Variants in RPAP2 observed in about 807,000 individuals in gnomAD.
RPAP2 encodes the protein putative RNA polymerase II subunit B1 CTD phosphatase RPAP2.
RPAP2 carries 52 observed loss-of-function variants against 73.1 expected under a neutral mutation model. That is an observed-to-expected ratio of 0.71 (90% CI 0.57 to 0.90). RPAP2 has a LOEUF of 0.90. Ranked by LOEUF, RPAP2 falls within the 40% of genes least tolerant of loss-of-function variation. RPAP2 has a pLI of 0.00. For synonymous variants in RPAP2, 225 were observed against 242.1 expected (o/e 0.93, Z 0.65); for missense variants, 598 against 701.8 (o/e 0.85, Z 1.67).
At position 92,300,740 on chromosome 1, in the gene RPAP2, T is replaced by G. The variant is rs35258040; in HGVS notation, c.119+501T>G. Among the ~76,000 whole-genome samples, 62 of 152,352 alleles carry G rather than the reference T, an allele frequency of 4.1e-4. 1 individual carries two copies. Among genetic ancestry groups the G allele is most frequent in the African/African-American group, 1.5e-3 (62 of 41,596 alleles). On this transcript the variant is annotated intron_variant, in intron 2 of 12. Transcript: ENST00000610020. ...ATATGTAGCTATGATTTTTATTTTG[T>G]GAAGACTCACTAATCTTATATTGGC...
intron 11 of RPAP2, among the ~76,000 whole-genome samples, chr1:92,368,431 A>AT (rs1330427704): frequency 6.6e-6 from 1 of 152,202 alleles, no homozygotes; most frequent in Non-Finnish European, 1.5e-5. Context: ...ACTCCACGAG[A>AT]TAAAAAACAT....
At chr1:92,351,322 A>AT (rs1452070041) in intron 11 of RPAP2, among the ~76,000 whole-genome samples, 2 of 149,584 alleles carry the variant, frequency 1.3e-5, no homozygotes, top group Non-Finnish European at 3.0e-5. Context: ...AAAAAAAAAA[A>AT]AAAAAAGAAA....
At chr1:92,312,885 G>A (rs530284337) in intron 6 of RPAP2, among the ~76,000 whole-genome samples, 36 of 151,180 alleles carry the variant, frequency 2.4e-4, no homozygotes, top group Non-Finnish European at 4.1e-4. Flanking sequence ...GCAGTGGCGC[G>A]ATCTTGGCTC....
chr1:92,371,319 A>AAATATAT lies in RPAP2; in HGVS notation c.1689-9404_1689-9403insATATATA, dbSNP rs1199565882. ...GTCTCTGTCTCAAAAAAAAAAAAAA[A>AAATATAT]ATATATATATATATATATACCTACA... On this transcript the variant is annotated intron_variant, in intron 11 of 12. Coordinates refer to ENST00000610020, the MANE Select transcript of RPAP2 (RefSeq NM_024813.3). 5.1e-3 allele frequency among the ~76,000 whole-genome samples: 312 copies of AAATATAT among 61,616 alleles called. 1 individual carries two copies. Among genetic ancestry groups the AAATATAT allele is most frequent in the African/African-American group, 0.021 (291 of 13,754 alleles). 40.4% of individuals were successfully genotyped at this position (61,616 alleles called of 152,430 possible).
intron 10 of RPAP2, among the ~76,000 whole-genome samples, chr1:92,340,947 A>G (rs966948625): frequency 2.0e-5 from 3 of 152,326 alleles, no homozygotes; most frequent in Non-Finnish European, 2.9e-5. Flanking sequence ...AAATTTAATC[A>G]GTGATGAATC....
chr1:92,367,310 C>T (rs1654971307), intron 11 of RPAP2, among the ~76,000 whole-genome samples: 1 of 152,198 alleles, frequency 6.6e-6, no homozygotes, highest in Non-Finnish European at 1.5e-5. Context: ...CTTACCCAAC[C>T]CATTATTAAT....
intron 12 of RPAP2, among the ~76,000 whole-genome samples, chr1:92,385,858 G>C (rs35925378): frequency 6.6e-6 from 1 of 152,210 alleles, no homozygotes; most frequent in Non-Finnish European, 1.5e-5. Flanking sequence ...CTCTGGCTCA[G>C]GGTCTTTCCT....
At chr1:92,383,345 T>C (rs994995229) in intron 12 of RPAP2, among the ~76,000 whole-genome samples, 4 of 152,268 alleles carry the variant, frequency 2.6e-5, no homozygotes, top group African/African-American at 9.6e-5. Flanking sequence ...ATTGAATCTA[T>C]AAATTACCTT....
At chr1:92,322,074 T>G (rs1652306114) in intron 7 of RPAP2, among the ~76,000 whole-genome samples, 1 of 150,924 alleles carries the variant, frequency 6.6e-6, no homozygotes, top group Non-Finnish European at 1.5e-5. Flanking sequence ...GCCTCCTGAG[T>G]AACTGGGACT....
In RPAP2 at chr1:92,401,594, C is replaced by A. The variant is rs747842309; in HGVS notation, c.*14583C>A. 6.6e-6 allele frequency: 1 copy of A among 152,184 alleles called. No homozygotes were observed. Among genetic ancestry groups the A allele is most frequent in the Non-Finnish European group, 1.5e-5 (1 of 68,036 alleles). 9.4% of individuals were successfully genotyped at this position (152,184 alleles called of 1,614,324 possible). A position where few individuals can be genotyped will look rare whatever the true frequency, so the allele number is the denominator to read the frequency against. ...TATAAGTGGTGAAAGCACATATCCT[C>A]CCCTTGTTCCTAATTTTAGAGGGAA... On this transcript the variant is annotated 3_prime_UTR_variant, in exon 13 of 13. Coordinates refer to ENST00000610020, the MANE Select transcript of RPAP2 (RefSeq NM_024813.3).
intron 10 of RPAP2, among the ~76,000 whole-genome samples, chr1:92,342,100 A>G (rs1238565672): frequency 2.6e-5 from 4 of 152,228 alleles, no homozygotes; most frequent in African/African-American, 4.8e-5. Context: ...TTACATTCTA[A>G]TAGAGGGAGT....
chr1:92,307,047 A>G, intron 5 of RPAP2, 141 bp from the exon 6 acceptor site: 1 of 618,550 alleles, frequency 1.6e-6, no homozygotes. Context: ...AAGGTTCAGT[A>G]TCTTATTTCT....
intron 1 of RPAP2, 119 bp downstream of exon 1, chr1:92,299,265 G>T (rs1248594927): frequency 1.9e-6 from 1 of 525,296 alleles, no homozygotes; most frequent in African/African-American, 2.0e-5. Context: ...GTTCTCCCAG[G>T]TAGAGTAGGC....
chr1:92,324,732 G>C (rs1054876675), intron 8 of RPAP2, among the ~76,000 whole-genome samples: 1 of 151,962 alleles, frequency 6.6e-6, no homozygotes, highest in Admixed American at 6.6e-5. Context: ...CATGGGGTCT[G>C]TGTGTGTGTG....
At position 92,401,831 on chromosome 1, in the gene RPAP2, A is replaced by G. The variant is rs1004015789; in HGVS notation, c.*14820A>G. The G allele has an allele frequency of 2.6e-5, 4 of 152,206 alleles. No homozygotes were observed. The highest frequency in any genetic ancestry group is 4.4e-5 in the Non-Finnish European group (3 of 68,044). 9.4% of individuals were successfully genotyped at this position (152,206 alleles called of 1,614,324 possible). A position where few individuals can be genotyped will look rare whatever the true frequency, so the allele number is the denominator to read the frequency against. On this transcript the variant is annotated 3_prime_UTR_variant, in exon 13 of 13. Transcript: ENST00000610020. ...TCCTCCTTATTTCTGCTAAGGTTGT[A>G]TAATTATGCTCATTGGTATTTTAAA... is the stretch of plus-strand genomic sequence containing the variant.
intron 11 of RPAP2, among the ~76,000 whole-genome samples, chr1:92,380,155 A>G (rs1406183053): frequency 1.3e-5 from 2 of 149,762 alleles, no homozygotes; most frequent in South Asian, 2.1e-4. Flanking sequence ...GCAAGCACCT[A>G]TAATCCCAAC....
intron 6 of RPAP2, 71 bp from the exon 7 acceptor site, chr1:92,320,528 C>T (rs1039125956): frequency 7.7e-6 from 10 of 1,301,126 alleles, no homozygotes; most frequent in South Asian, 3.7e-5. Flanking sequence ...GCCCAGCCTC[C>T]GAAAGTGCTG....
At chr1:92,333,341 A>G (rs1044629228) in intron 8 of RPAP2, 50 bp from the exon 9 acceptor site, 3 of 1,420,504 alleles carry the variant, frequency 2.1e-6, no homozygotes, top group African/African-American at 2.8e-5. Flanking sequence ...TATCAAAGAA[A>G]GAATGTAAAC....
chr1:92,350,943 T>C (rs1241969562), intron 11 of RPAP2, among the ~76,000 whole-genome samples: 1 of 150,792 alleles, frequency 6.6e-6, no homozygotes, highest in African/African-American at 2.4e-5. Flanking sequence ...AAATAAAAGA[T>C]AGTCTTCTAT....
Sources: gnomAD v4.1 joint callset for allele counts (sites outside exome capture counted in the v4.1 genomes callset) on GRCh38, gnomAD v4.1.1 for gene constraint, MANE v1.5 for transcripts, NCBI Gene and HGNC (gene_info 2026-07-23, HGNC 2026-07-21) for gene names.